CCDC88B: variants seen among roughly 807,000 people sequenced by gnomAD.
CCDC88B encodes coiled-coil and HOOK domain protein 88B.
CCDC88B carries 138 observed loss-of-function variants against 183.7 expected under a neutral mutation model. The ratio of observed to expected loss-of-function variants is 0.75; its 90% CI spans 0.65 to 0.87. CCDC88B has a LOEUF of 0.87. Among genes scored for constraint, CCDC88B ranks in the 40% least tolerant of loss-of-function variants. CCDC88B has a pLI of 0.00. For synonymous variants in CCDC88B, 835 were observed against 867.5 expected (o/e 0.96, Z 0.66); for missense variants, 1,822 against 1,965.6 (o/e 0.93, Z 1.38).
Position 64,341,337 on chromosome 11 carries a change from G to A in CCDC88B, c.447+9G>A, listed in dbSNP as rs760698705. ...TGGGAGCGTCAGTACAGGTGAGCCG[G>A]CGGTGGGAAGGAAAGGTTAGGGTCG... On this transcript the variant is annotated intron_variant, in intron 5 of 26. Transcript: ENST00000356786. The A allele has an allele frequency of 1.9e-6, 3 of 1,614,090 alleles. No homozygotes were observed. Among genetic ancestry groups the A allele is most frequent in the Non-Finnish European group, 2.5e-6 (3 of 1,180,022 alleles).
intron 18 of CCDC88B, 31 bp from the exon 19 acceptor site, chr11:64,352,099 C>T (rs770925854): frequency 6.6e-7 from 1 of 1,519,916 alleles, no homozygotes; most frequent in African/African-American, 1.4e-5. Context: ...GGTTCCTCCC[C>T]AGCAGCCCCT....
chr11:64,354,076 G>C lies in CCDC88B; in HGVS notation c.4005G>C (p.Gly1335=). 1.4e-6 allele frequency: 2 copies of C among 1,436,750 alleles called. No homozygotes were observed. The allele number at this position is 1,436,750 out of a possible 1,614,324, so 89.0% of individuals were successfully genotyped here. The change falls in exon 24 of 27, where the codon GGG becomes GGC. Residue 1335 remains glycine, a synonymous_variant. Transcript: ENST00000356786. ...RPRREGGPPG[G]LRLGADGAGS... ...GGCGGGAGGGGGGCCCCCCTGGGGGGCTGCGCCTGGGGGCCGATGGGGCTG... is the reference window on the plus strand; with the variant it reads ...GGCGGGAGGGGGGCCCCCCTGGGGGCCTGCGCCTGGGGGCCGATGGGGCTG...
chr11:64,355,595 CT>C lies in CCDC88B; in HGVS notation c.4343del (p.Leu1448ArgfsTer161). On this transcript the variant is annotated frameshift_variant, in exon 26 of 27. Coordinates refer to ENST00000356786, the MANE Select transcript of CCDC88B (RefSeq NM_032251.6). LOFTEE classifies it high-confidence loss of function. Reference protein sequence around the residue: ...GVGWENSAETLQEHETDANRE... With the variant: ...GVGWENSAETXQEHETDANRE... ...GGGATGGGAGAACTCCGCTGAGACCCTGCAGGAACACGAAACAGATGCCAAC... is the reference window on the plus strand; with the variant it reads ...GGGATGGGAGAACTCCGCTGAGACCCGCAGGAACACGAAACAGATGCCAAC... 6.2e-7 allele frequency: 1 copy of C among 1,612,592 alleles called. No individual in the cohort carries two copies. The highest frequency in any genetic ancestry group is 8.5e-7 in the Non-Finnish European group (1 of 1,179,494).
In CCDC88B at chr11:64,344,973, G is replaced by GGGAGGCGCTGGT; in HGVS notation, c.2444_2455dup (p.Val815_Leu818dup). ...GAGCTGGAGTCTGCGTCCCAGGAACGGGAGGCGCTGGTGGAGGCGCTGGCA... is the reference window on the plus strand; with the variant it reads ...GAGCTGGAGTCTGCGTCCCAGGAACGGGAGGCGCTGGTGGAGGCGCTGGTGGAGGCGCTGGCA... On this transcript the variant is annotated inframe_insertion, in exon 14 of 27. Transcript: ENST00000356786. This position sits in a 1 kb window ranked among gnomAD's most constrained non-coding sequence, Gnocchi z 4.5. 1 of 1,548,858 alleles carries GGGAGGCGCTGGT rather than the reference G, an allele frequency of 6.5e-7. No individual in the cohort carries two copies. The highest frequency in any genetic ancestry group is 8.7e-7 in the Non-Finnish European group (1 of 1,148,078).
chr11:64,349,799 G>A, intron 16 of CCDC88B, 131 bp downstream of exon 16: 1 of 866,138 alleles, frequency 1.2e-6, no homozygotes, highest in Non-Finnish European at 1.8e-6. Context: ...CACTCCCCAT[G>A]TGGGGCCTGT....
chr11:64,342,649 A>T lies in CCDC88B; in HGVS notation c.1031A>T (p.Gln344Leu), dbSNP rs747497888. 1.3e-6 allele frequency: 2 copies of T among 1,517,960 alleles called. No individual in the cohort carries two copies. Among genetic ancestry groups the T allele is most frequent in the South Asian group, 2.4e-5 (2 of 81,840 alleles). 94.0% of individuals were successfully genotyped at this position (1,517,960 alleles called of 1,614,324 possible). A position where few individuals can be genotyped will look rare whatever the true frequency, so the allele number is the denominator to read the frequency against. ...EELRRCRERL[Q>L]AAEAYKSQLE... is the part of the protein sequence containing the mutation. ...CTGAGGCGCTGCCGCGAGCGGCTGCAGGCGGCTGAGGCCTACAAGAGTCAG... is the reference window on the plus strand; with the variant it reads ...CTGAGGCGCTGCCGCGAGCGGCTGCTGGCGGCTGAGGCCTACAAGAGTCAG... Residue 344 changes from glutamine (Q) to leucine (L), a missense_variant, in exon 10 of 27, where the codon CAG (glutamine) becomes CTG (leucine). Coordinates refer to ENST00000356786, the MANE Select transcript of CCDC88B (RefSeq NM_032251.6).
intron 24 of CCDC88B, 133 bp downstream of exon 24, chr11:64,354,303 T>C: frequency 1.4e-6 from 1 of 690,052 alleles, no homozygotes; most frequent in Non-Finnish European, 2.0e-6. Context: ...CCCCCTGCCC[T>C]GATGCCACCA....
rs780419065 is a variant in CCDC88B at position 64,352,173 on chromosome 11, G to A, written c.3143G>A (p.Arg1048Gln). ...GAGATTCAGGGCCAGGAGCTGCACCGGAAGCTGGAGGTGCTGGAGGAGGAG... is the reference window on the plus strand; with the variant it reads ...GAGATTCAGGGCCAGGAGCTGCACCAGAAGCTGGAGGTGCTGGAGGAGGAG... The part of the protein sequence containing the change: ...VLEIQGQELH[R>Q]KLEVLEEEVR... The change falls in exon 19 of 27, where the codon CGG (arginine) becomes CAG (glutamine). Residue 1048 changes from arginine to glutamine, a missense_variant. Arg to Gln is a conservative substitution (Grantham distance 43). Coordinates refer to ENST00000356786, the MANE Select transcript of CCDC88B (RefSeq NM_032251.6). The A allele has an allele frequency of 2.2e-5, 36 of 1,602,544 alleles. No individual in the cohort carries two copies. Among genetic ancestry groups the A allele is most frequent in the Middle Eastern group, 1.7e-4 (1 of 6,028 alleles).
At chr11:64,347,551 C>G (rs746044820) in intron 14 of CCDC88B, among the ~76,000 whole-genome samples, 6 of 151,994 alleles carry the variant, frequency 3.9e-5, no homozygotes, top group Admixed American at 1.3e-4. Context: ...TGGGGTCAGG[C>G]GTTGTGCAAG....
chr11:64,346,779 T>C (rs1190425973), intron 14 of CCDC88B, among the ~76,000 whole-genome samples: 1 of 149,222 alleles, frequency 6.7e-6, no homozygotes, highest in African/African-American at 2.5e-5. Context: ...TTCATCATGT[T>C]GGCCTGGCTA....
intron 11 of CCDC88B, 79 bp downstream of exon 11, chr11:64,343,404 T>G: frequency 6.5e-7 from 1 of 1,539,748 alleles, no homozygotes; most frequent in East Asian, 2.5e-5. Context: ...TCCCTAGTGA[T>G]TCTTGCAACC....
rs755977714 is a variant in CCDC88B, at chr11:64,357,099, G to A, written c.*5G>A. The A allele has an allele frequency of 9.3e-6, 15 of 1,613,432 alleles. No individual in the cohort carries two copies. The highest frequency in any genetic ancestry group is 5.3e-5 in the African/African-American group (4 of 74,896). ...ACCCCATCCCTCAGCCAGTGACACCGTGGGAACAGCAGGCTTGGGAGTGCA... is the reference window on the plus strand; with the variant it reads ...ACCCCATCCCTCAGCCAGTGACACCATGGGAACAGCAGGCTTGGGAGTGCA... On this transcript the variant is annotated 3_prime_UTR_variant, in exon 27 of 27. Transcript: ENST00000356786.
Position 64,344,878 on chromosome 11 carries a change from C to T in CCDC88B, c.2337C>T (p.Ala779=). ...LAQARRAEAE[A]HREAEAQAWE... ...AAGCGCGAAGGGCAGAGGCCGAGGC[C>T]CACCGGGAGGCAGAGGCCCAGGCCT... The change falls in exon 14 of 27, where the codon GCC becomes GCT. Residue 779 remains alanine, a synonymous_variant. Transcript: ENST00000356786. The surrounding 1 kb of genome is among the most constrained non-coding windows in gnomAD (Gnocchi z 4.5). 6.2e-7 allele frequency: 1 copy of T among 1,601,426 alleles called. No individual in the cohort carries two copies. The highest frequency in any genetic ancestry group is 1.3e-5 in the African/African-American group (1 of 74,770).
In CCDC88B at chr11:64,346,898, G is replaced by A. The variant is rs946828539; in HGVS notation, c.2616+1741G>A. On this transcript the variant is annotated intron_variant, in intron 14 of 26. Transcript: ENST00000356786. ...CAACCTCCACCTCCCAGGTTCAAGC[G>A]ATTTTCCTGCCTCAGCCTCTCGTGT... Among the ~76,000 whole-genome samples the A allele has an allele frequency of 4.0e-5, 6 of 151,048 alleles. No individual in the cohort carries two copies. In the East Asian group the frequency reaches 1.2e-3, roughly 30 times the overall value.
chr11:64,341,590 G>A lies in CCDC88B; in HGVS notation c.532-9G>A. 6.2e-7 allele frequency: 1 copy of A among 1,602,838 alleles called. No individual in the cohort carries two copies. The highest frequency in any genetic ancestry group is 8.5e-7 in the Non-Finnish European group (1 of 1,173,748). ...CGGCTTCCACTGAACTGCTCTTCCT[G>A]CGCCCCAGGTGACCCAGCCGGGGGC... On this transcript the variant is annotated splice_polypyrimidine_tract_variant and intron_variant, in intron 6 of 26. Transcript: ENST00000356786.
Position 64,341,474 on chromosome 11 carries a change from C to T in CCDC88B, c.501C>T (p.Val167=), listed in dbSNP as rs1202923127. 1 of 1,613,934 alleles carries T rather than the reference C, an allele frequency of 6.2e-7. No homozygotes were observed. The highest frequency in any genetic ancestry group is 1.7e-5 in the Admixed American group (1 of 60,034). The change falls in exon 6 of 27, where the codon GTC becomes GTT. Residue 167 remains valine, a synonymous_variant. Coordinates refer to ENST00000356786, the MANE Select transcript of CCDC88B (RefSeq NM_032251.6). Reference sequence around the variant, plus strand: ...ACATCCAGGGCCTCAGTCTCGAGGTCCAGAGCGAGCTGGCCGCTGCCATCC... The same window carrying T: ...ACATCCAGGGCCTCAGTCTCGAGGTTCAGAGCGAGCTGGCCGCTGCCATCC... ...IRHIQGLSLE[V]QSELAAAIQE... is the part of the protein sequence containing the mutation.
At position 64,341,737 on chromosome 11, in the gene CCDC88B, G is replaced by C; in HGVS notation, c.670G>C (p.Ala224Pro). Residue 224 changes from alanine (A) to proline (P), a missense_variant, in exon 7 of 27, where the codon GCC (alanine) becomes CCC (proline). Physicochemically the swap from Ala to Pro is conservative, Grantham distance 27. Coordinates refer to ENST00000356786, the MANE Select transcript of CCDC88B (RefSeq NM_032251.6). ...SKLARERDLGAQRLAELLLER... is the reference protein window; with the variant it reads ...SKLARERDLGPQRLAELLLER... ...GCTGGCACGGGAGCGTGACCTGGGG[G>C]CCCAGGTAGGGGCAGCAGGGGCATC... 6.4e-7 allele frequency: 1 copy of C among 1,565,324 alleles called. No individual in the cohort carries two copies. Among genetic ancestry groups the C allele is most frequent in the African/African-American group, 1.4e-5 (1 of 73,168 alleles).
At position 64,353,146 on chromosome 11, in the gene CCDC88B, TGGAGCG is replaced by T; in HGVS notation, c.3596_3601del (p.Glu1199_Arg1200del). 6.3e-7 allele frequency: 1 copy of T among 1,595,058 alleles called. No homozygotes were observed. The highest frequency in any genetic ancestry group is 8.5e-7 in the Non-Finnish European group (1 of 1,172,134). On this transcript the variant is annotated inframe_deletion, in exon 21 of 27. Coordinates refer to ENST00000356786, the MANE Select transcript of CCDC88B (RefSeq NM_032251.6). ...CGGGGCCGGCTGGCGCGGCTGGAGC[TGGAGCG>T]GGCACAGCTGGAGATGCAGAGCCAG...
Position 64,351,180 on chromosome 11 carries a change from GC to G in CCDC88B, c.2884del (p.Leu962TrpfsTer131). 2 of 1,503,106 alleles carry G rather than the reference GC, an allele frequency of 1.3e-6. No individual in the cohort carries two copies. Among genetic ancestry groups the G allele is most frequent in the South Asian group, 1.3e-5 (1 of 75,676 alleles). The allele number at this position is 1,503,106 out of a possible 1,614,324, so 93.1% of individuals were successfully genotyped here. A position where few individuals can be genotyped will look rare whatever the true frequency, so the allele number is the denominator to read the frequency against. ...LFQLRQGPAG[L>X]GPKKRAEPQL... ...TGCAGCTGCGCCAGGGCCCCGCGGGGCTGGGGCCCAAAAAGCGTGCGGAGCC... is the reference window on the plus strand; with the variant it reads ...TGCAGCTGCGCCAGGGCCCCGCGGGGTGGGGCCCAAAAAGCGTGCGGAGCC... On this transcript the variant is annotated frameshift_variant, in exon 17 of 27. Transcript: ENST00000356786. LOFTEE classifies it high-confidence loss of function.
Sources: allele counts gnomAD v4.1 joint callset (sites outside exome capture counted in the v4.1 genomes callset), GRCh38; gene constraint gnomAD v4.1.1; non-coding constraint Gnocchi (gnomAD v3.1); transcripts MANE v1.5; gene names NCBI Gene and HGNC (gene_info 2026-07-23, HGNC 2026-07-21).